The following CTNNA3 variants were observed in gnomAD, a reference collection of about 807,000 sequenced individuals.
CTNNA3 encodes the protein catenin alpha-3.
Under a neutral mutation model 95.7 loss-of-function variants are expected in CTNNA3, and 76 were observed. The observed-to-expected ratio is 0.79, with a 90% confidence interval of 0.66 to 0.96. The LOEUF is 0.96. CTNNA3 is among the 40% of genes least tolerant of loss of function. The pLI, the probability that CTNNA3 is intolerant of heterozygous loss-of-function variation, is 0.00. For missense variants in CTNNA3, 1,191 were observed against 1,089.8 expected (o/e 1.09, Z -1.31); for synonymous variants, 431 against 374.4 (o/e 1.15, Z -1.74).
At chr10:67,195,824 A>C (rs1863340468) in intron 6 of CTNNA3, among the ~76,000 whole-genome samples, 1 of 152,126 alleles carries the variant, frequency 6.6e-6, no homozygotes, top group Admixed American at 6.6e-5. Flanking sequence ...TCTGTATTTT[A>C]ATAACATGAT....
chr10:67,200,968 A>T (rs1429690324), intron 6 of CTNNA3, among the ~76,000 whole-genome samples: 1 of 152,114 alleles, frequency 6.6e-6, no homozygotes, highest in Non-Finnish European at 1.5e-5. Context: ...CAAAGGGTCA[A>T]TTGACCCCAA....
At chr10:67,533,851 AG>A (rs1316597140) in intron 4 of CTNNA3, among the ~76,000 whole-genome samples, 1 of 152,200 alleles carries the variant, frequency 6.6e-6, no homozygotes, top group African/African-American at 2.4e-5. Flanking sequence ...TGCTATTAAA[AG>A]AGAGTAACAT....
chr10:66,942,730 A>T (rs1229213040), intron 7 of CTNNA3, among the ~76,000 whole-genome samples: 8 of 152,152 alleles, frequency 5.3e-5, no homozygotes, highest in Non-Finnish European at 1.0e-4. Context: ...ACTCAAGAGA[A>T]CATGCTATTG....
At chr10:67,740,547 CAT>C (rs1458851305) in intron 1 of CTNNA3, among the ~76,000 whole-genome samples, 2 of 151,572 alleles carry the variant, frequency 1.3e-5, no homozygotes, top group African/African-American at 4.8e-5. Context: ...GGCCAAAAAA[CAT>C]ATGAAAAAAT....
chr10:66,341,218 T>A (rs1187144188), intron 12 of CTNNA3, among the ~76,000 whole-genome samples: 1 of 151,896 alleles, frequency 6.6e-6, no homozygotes, highest in Non-Finnish European at 1.5e-5. Context: ...TTAGCAACCA[T>A]CAAATTTCTT....
chr10:67,582,349 T>A (rs532664149), intron 3 of CTNNA3, among the ~76,000 whole-genome samples: 1 of 132,174 alleles, frequency 7.6e-6, no homozygotes, highest in Admixed American at 8.4e-5. Flanking sequence ...GTTGTTCAGT[T>A]TCCATGTAGC....
chr10:66,813,296 A>T (rs2132269164), intron 7 of CTNNA3, among the ~76,000 whole-genome samples: 1 of 152,282 alleles, frequency 6.6e-6, no homozygotes, highest in East Asian at 1.9e-4. Context: ...ATCTTGTCTA[A>T]TAAAACATAC....
At chr10:65,935,886 A>C (rs541565520) in intron 17 of CTNNA3, among the ~76,000 whole-genome samples, 1 of 152,262 alleles carries the variant, frequency 6.6e-6, no homozygotes, top group South Asian at 2.1e-4. Context: ...TGACCAAGCT[A>C]TAGGGCAGCG....
At chr10:66,576,967 CT>C (rs1843023093) in intron 10 of CTNNA3, among the ~76,000 whole-genome samples, 1 of 150,536 alleles carries the variant, frequency 6.6e-6, no homozygotes, top group Admixed American at 6.7e-5. Context: ...TAAGCGTTCC[CT>C]TTTCTCTGCA....
intron 5 of CTNNA3, among the ~76,000 whole-genome samples, chr10:67,344,199 G>A (rs1842328829): frequency 6.6e-6 from 1 of 151,894 alleles, no homozygotes; most frequent in Non-Finnish European, 1.5e-5. Context: ...ACTTGTTCAT[G>A]ATGAATGACC....
At chr10:66,704,100 C>T (rs1386960362) in intron 9 of CTNNA3, among the ~76,000 whole-genome samples, 1 of 152,074 alleles carries the variant, frequency 6.6e-6, no homozygotes, top group Non-Finnish European at 1.5e-5. Context: ...GGTAATGGAT[C>T]CACTATTTAA....
At chr10:66,532,082 A>T (rs1841484964) in intron 10 of CTNNA3, among the ~76,000 whole-genome samples, 1 of 152,152 alleles carries the variant, frequency 6.6e-6, no homozygotes, top group African/African-American at 2.4e-5. Context: ...GTACCATCCA[A>T]TTTCATATAG....
rs1394701950 is a variant in CTNNA3, at chr10:67,521,965, A to C, written c.460-4T>G. On this transcript the variant is annotated splice_polypyrimidine_tract_variant and splice_region_variant and intron_variant, in intron 4 of 17. Coordinates refer to ENST00000433211, the MANE Select transcript of CTNNA3 (RefSeq NM_013266.4). ...GAGACTCAAATGTCCTTTGAAACTG[A>C]AATTGAAAACAAAAGTAGATCATTA... 13 of 1,608,372 alleles carry C rather than the reference A, an allele frequency of 8.1e-6. No homozygotes were observed. The highest frequency in any genetic ancestry group is 1.1e-5 in the Non-Finnish European group (13 of 1,176,860).
At chr10:67,220,221 G>T (rs1864588384) in intron 5 of CTNNA3, among the ~76,000 whole-genome samples, 1 of 152,198 alleles carries the variant, frequency 6.6e-6, no homozygotes, top group Non-Finnish European at 1.5e-5. Flanking sequence ...TTACAAGGAT[G>T]CTGATTACCT....
chr10:67,089,758 G>GA (rs1328165943), intron 7 of CTNNA3, among the ~76,000 whole-genome samples: 1 of 117,362 alleles, frequency 8.5e-6, no homozygotes, highest in African/African-American at 3.0e-5. Flanking sequence ...TGTGTGGACA[G>GA]AAACACATAT....
At position 66,685,517 on chromosome 10, in the gene CTNNA3, C is replaced by T. The variant is rs368501069; in HGVS notation, c.1282-63733G>A. On this transcript the variant is annotated intron_variant, in intron 9 of 17. Coordinates refer to ENST00000433211, the MANE Select transcript of CTNNA3 (RefSeq NM_013266.4). Reference sequence around the variant, plus strand: ...CCTCCCAAGTAGCTGGGACTACAGGCACCCGCCACCACGCCCGGCTAACTT... The same window carrying T: ...CCTCCCAAGTAGCTGGGACTACAGGTACCCGCCACCACGCCCGGCTAACTT... 6.5e-3 allele frequency among the ~76,000 whole-genome samples: 965 copies of T among 148,872 alleles called. 13 individuals carry two copies. Among genetic ancestry groups the T allele is most frequent in the African/African-American group, 0.022 (902 of 40,398 alleles).
At chr10:66,807,228 A>C (rs1841689727) in intron 7 of CTNNA3, among the ~76,000 whole-genome samples, 1 of 152,106 alleles carries the variant, frequency 6.6e-6, no homozygotes, top group Non-Finnish European at 1.5e-5. Context: ...TGCTTCAAAA[A>C]AAGTTCAGCC....
At chr10:66,122,018 C>G (rs937407697) in intron 13 of CTNNA3, among the ~76,000 whole-genome samples, 7 of 152,082 alleles carry the variant, frequency 4.6e-5, no homozygotes, top group Non-Finnish European at 2.9e-5. Flanking sequence ...TCCCACACAA[C>G]CAGATTGAAA....
intron 7 of CTNNA3, among the ~76,000 whole-genome samples, chr10:67,151,822 GA>G (rs569172209): frequency 6.6e-6 from 1 of 152,168 alleles, no homozygotes; most frequent in Non-Finnish European, 1.5e-5. Flanking sequence ...AAATATACAT[GA>G]TAGAATGCAA....
Sources: allele counts gnomAD v4.1 joint callset (sites outside exome capture counted in the v4.1 genomes callset), GRCh38; gene constraint gnomAD v4.1.1; transcripts MANE v1.5; gene names NCBI Gene and HGNC (gene_info 2026-07-23, HGNC 2026-07-21).